ADAMTS16: variants seen among roughly 807,000 people sequenced by gnomAD.
ADAMTS16 encodes ADAM metallopeptidase with thrombospondin type 1 motif 16.
ADAMTS16 carries 94 observed loss-of-function variants against 145.8 expected under a neutral mutation model. The ratio of observed to expected loss-of-function variants is 0.64; its 90% CI spans 0.55 to 0.77. The LOEUF (loss-of-function observed/expected upper bound fraction) is 0.77, where lower values mean the gene tolerates loss of function less well. ADAMTS16 is among the 30% of genes least tolerant of loss of function. The pLI is 0.00. For missense variants in ADAMTS16, 1,585 were observed against 1,591.5 expected (o/e 1.00, Z 0.07); for synonymous variants, 659 against 604.3 (o/e 1.09, Z -1.33).
chr5:5,169,216 A>G (rs944326177), intron 3 of ADAMTS16, among the ~76,000 whole-genome samples: 4 of 152,178 alleles, frequency 2.6e-5, no homozygotes, highest in Admixed American at 6.5e-5. Flanking sequence ...TGGAAGTTCT[A>G]TTTAATAATT....
intron 9 of ADAMTS16, among the ~76,000 whole-genome samples, chr5:5,201,977 G>A (rs923276321): frequency 6.6e-6 from 1 of 150,588 alleles, no homozygotes; most frequent in South Asian, 2.1e-4. Flanking sequence ...TTTTTCTGTT[G>A]CACAAATTAA....
chr5:5,284,302 C>T (rs371687469), intron 18 of ADAMTS16, among the ~76,000 whole-genome samples: 2 of 152,228 alleles, frequency 1.3e-5, no homozygotes, highest in South Asian at 4.1e-4. Flanking sequence ...TCAGTTCAAG[C>T]TCCAACCTTT....
At chr5:5,173,772 G>GA (rs1735114145) in intron 3 of ADAMTS16, among the ~76,000 whole-genome samples, 1 of 152,136 alleles carries the variant, frequency 6.6e-6, no homozygotes, top group African/African-American at 2.4e-5. Flanking sequence ...ACTTTTAACT[G>GA]ATGACTGCTC....
intron 10 of ADAMTS16, among the ~76,000 whole-genome samples, chr5:5,213,181 A>G (rs918923084): frequency 6.6e-6 from 1 of 152,254 alleles, no homozygotes; most frequent in Admixed American, 6.5e-5. Flanking sequence ...TTTAAATAAG[A>G]CAAGAAATTA....
chr5:5,272,994 G>A (rs79847102), intron 18 of ADAMTS16, among the ~76,000 whole-genome samples: 4,372 of 152,224 alleles, frequency 0.029, 203 homozygotes, highest in African/African-American at 0.094. Context: ...AAGTAACCAT[G>A]AGGGGCCCTT....
chr5:5,168,702 TA>T (rs1734963874), intron 3 of ADAMTS16, among the ~76,000 whole-genome samples: 1 of 136,780 alleles, frequency 7.3e-6, no homozygotes, highest in Admixed American at 7.9e-5. Context: ...ATAAATATAA[TA>T]TATAATAATT....
At chr5:5,232,333 GAGTCA>G (rs775264957) in intron 11 of ADAMTS16, 30 bp from the exon 12 acceptor site, 2 of 1,613,592 alleles carry the variant, frequency 1.2e-6, no homozygotes, top group South Asian at 2.2e-5. Flanking sequence ...CCATCTGTGT[GAGTCA>G]AGTCAACTTA....
chr5:5,270,799 C>T (rs774171371), intron 18 of ADAMTS16, among the ~76,000 whole-genome samples: 10 of 152,142 alleles, frequency 6.6e-5, no homozygotes, highest in South Asian at 2.1e-4. Flanking sequence ...ACCCATGTTC[C>T]GTTTCTCTGA....
intron 18 of ADAMTS16, among the ~76,000 whole-genome samples, chr5:5,295,895 A>G (rs1739508240): frequency 1.3e-5 from 2 of 152,220 alleles, no homozygotes; most frequent in Admixed American, 1.3e-4. Context: ...TGTAACCTGA[A>G]CAGTTATCAG....
At chr5:5,150,434 C>T (rs2101008) in intron 3 of ADAMTS16, among the ~76,000 whole-genome samples, 151,804 of 152,350 alleles carry the variant, frequency 1, 75,650 homozygotes, top group Middle Eastern at 1. Context: ...CATCACGGGC[C>T]GGTGCACAAG....
chr5:5,185,650 T>C (rs1340014708), intron 4 of ADAMTS16, among the ~76,000 whole-genome samples: 1 of 152,182 alleles, frequency 6.6e-6, no homozygotes. Context: ...AGGAAAACAA[T>C]GCAAGCCAGC....
At position 5,200,119 on chromosome 5, in the gene ADAMTS16, C is replaced by CTCTT. The variant is rs749395662; in HGVS notation, c.1314-10_1314-9insTTCT. On this transcript the variant is annotated splice_polypyrimidine_tract_variant and intron_variant, in intron 8 of 22. Transcript: ENST00000274181. ...TTCTGAAAGAACCATCTCTCTCTCT[C>CTCTT]TCTCTCTCATAGCTTTGGCATGATT... The CTCTT allele has an allele frequency of 6.3e-7, 1 of 1,594,464 alleles. No individual in the cohort carries two copies. The highest frequency in any genetic ancestry group is 2.3e-5 in the East Asian group (1 of 44,172).
At chr5:5,234,346 A>G (rs1327620240) in intron 12 of ADAMTS16, among the ~76,000 whole-genome samples, 1 of 152,188 alleles carries the variant, frequency 6.6e-6, no homozygotes, top group African/African-American at 2.4e-5. Context: ...TGAGTTCCAC[A>G]TTCTCTCAAA....
intron 3 of ADAMTS16, among the ~76,000 whole-genome samples, chr5:5,170,670 A>G (rs1051121889): frequency 6.6e-6 from 1 of 151,332 alleles, no homozygotes; most frequent in Non-Finnish European, 1.5e-5. Context: ...GAGCCACCAC[A>G]CCCAGCTCTT....
rs1033016196 is a variant in ADAMTS16 at position 5,200,512 on chromosome 5, T to G, written c.1451+243T>G. Among the ~76,000 whole-genome samples, 13 of 152,352 alleles carry G rather than the reference T, an allele frequency of 8.5e-5. 1 individual carries two copies. The highest frequency in any genetic ancestry group is 4.1e-4 in the South Asian group (2 of 4,826). On this transcript the variant is annotated intron_variant, in intron 9 of 22. Transcript: ENST00000274181. ...ATGACTTGAGACTAAAAGGGAGCCATAAGACACTTACCAAAATATTTGTCA... is the reference window on the plus strand; with the variant it reads ...ATGACTTGAGACTAAAAGGGAGCCAGAAGACACTTACCAAAATATTTGTCA...
chr5:5,312,415 TTC>T (rs796707457), intron 21 of ADAMTS16, among the ~76,000 whole-genome samples: 1 of 151,782 alleles, frequency 6.6e-6, no homozygotes, highest in Admixed American at 6.6e-5. Context: ...TCTTGTCATT[TTC>T]TCTCTTTTTT....
In ADAMTS16 at chr5:5,200,256, C is replaced by T; in HGVS notation, c.1438C>T (p.His480Tyr). 6.2e-7 allele frequency: 1 copy of T among 1,614,066 alleles called. No individual in the cohort carries two copies. The highest frequency in any genetic ancestry group is 1.1e-5 in the South Asian group (1 of 91,078). Reference sequence around the variant, plus strand: ...GTCACCCTGCAGCCGCCAGTATCTACACAAATTTCTAAGGTAGGAACTCTT... The same window carrying T: ...GTCACCCTGCAGCCGCCAGTATCTATACAAATTTCTAAGGTAGGAACTCTT... ...SWSPCSRQYL[H>Y]KFLSTAQAIC... The change falls in exon 9 of 23, where the codon CAC becomes TAC. Residue 480 changes from histidine (H) to tyrosine (Y), a missense_variant. His to Tyr is a moderately conservative substitution (Grantham distance 83). Coordinates refer to ENST00000274181, the MANE Select transcript of ADAMTS16 (RefSeq NM_139056.4).
chr5:5,162,860 A>T (rs987075722), intron 3 of ADAMTS16, among the ~76,000 whole-genome samples: 4 of 152,200 alleles, frequency 2.6e-5, no homozygotes, highest in Admixed American at 2.6e-4. Context: ...AAACTAATTG[A>T]AAGAAGCCTA....
At chr5:5,225,471 C>T (rs1035995451) in intron 11 of ADAMTS16, among the ~76,000 whole-genome samples, 10 of 152,138 alleles carry the variant, frequency 6.6e-5, no homozygotes, top group Non-Finnish European at 1.2e-4. Flanking sequence ...GGCGTTGTGG[C>T]GCATGCCTGT....
Sources: allele counts gnomAD v4.1 joint callset (sites outside exome capture counted in the v4.1 genomes callset), GRCh38; gene constraint gnomAD v4.1.1; transcripts MANE v1.5; gene names NCBI Gene and HGNC (gene_info 2026-07-23, HGNC 2026-07-21).